Variants in MAPK10 observed in about 807,000 individuals in gnomAD.
MAPK10 encodes the protein mitogen-activated protein kinase 10, also known as JNK3 alpha protein kinase.
In MAPK10, 25 loss-of-function variants were observed where a neutral mutation model predicts 59.3. That is an observed-to-expected ratio of 0.42 (90% CI 0.31 to 0.59). The LOEUF (loss-of-function observed/expected upper bound fraction) is 0.59. MAPK10 is among the 20% of genes least tolerant of loss of function. The pLI, the probability that MAPK10 is intolerant of heterozygous loss-of-function variation, is 0.15. For missense variants in MAPK10, 351 were observed against 568.9 expected, an observed-to-expected ratio of 0.62 and a Z score of 3.90; for synonymous variants, 190 against 200.5, an observed-to-expected ratio of 0.95 and a Z score of 0.44.
chr4:86,419,988 C>T (rs1477422367), intron 1 of MAPK10, among the ~76,000 whole-genome samples: 6 of 152,276 alleles, frequency 3.9e-5, no homozygotes, highest in South Asian at 4.2e-4. Flanking sequence ...TTTGTTCAAT[C>T]GCTAAAATCC....
chr4:86,038,860 A>C (rs2040899855), intron 11 of MAPK10, among the ~76,000 whole-genome samples: 1 of 152,206 alleles, frequency 6.6e-6, no homozygotes, highest in Non-Finnish European at 1.5e-5. Flanking sequence ...AGAATTGATT[A>C]GATATAATTA....
At chr4:86,162,009 C>A (rs2069875672) in intron 3 of MAPK10, among the ~76,000 whole-genome samples, 1 of 151,896 alleles carries the variant, frequency 6.6e-6, no homozygotes, top group East Asian at 1.9e-4. Flanking sequence ...CAGGTTTACT[C>A]TAAGAGCTAC....
chr4:86,534,016 C>T (rs1758042089), intron 1 of MAPK10, among the ~76,000 whole-genome samples: 1 of 152,174 alleles, frequency 6.6e-6, no homozygotes, highest in Non-Finnish European at 1.5e-5. Flanking sequence ...CTTCTACCTC[C>T]CCAGGGATCC....
intron 1 of MAPK10, among the ~76,000 whole-genome samples, chr4:86,467,672 A>G (rs1186896953): frequency 1.3e-5 from 2 of 152,174 alleles, no homozygotes; most frequent in Admixed American, 1.3e-4. Context: ...GGCATGTGCC[A>G]CCATGCCCAG....
chr4:86,162,424 A>G (rs2070076767), intron 3 of MAPK10, among the ~76,000 whole-genome samples: 1 of 152,058 alleles, frequency 6.6e-6, no homozygotes, highest in South Asian at 2.1e-4. Context: ...AAGGATCAAT[A>G]ACAAAGGTAA....
intron 2 of MAPK10, among the ~76,000 whole-genome samples, chr4:86,285,373 T>C (rs541571507): frequency 6.6e-6 from 1 of 152,124 alleles, no homozygotes; most frequent in South Asian, 2.1e-4. Context: ...CACACCACCA[T>C]GCCCAGCTAA....
Position 86,016,558 on chromosome 4 carries a change from T to C in MAPK10, c.*670A>G, listed in dbSNP as rs1743390568. ...TCTGAGAGAGCTCACTCCCCCCATATATTCCCCCTTTACATGTTTTCTTAT... is the reference window on the plus strand; with the variant it reads ...TCTGAGAGAGCTCACTCCCCCCATACATTCCCCCTTTACATGTTTTCTTAT... On this transcript the variant is annotated 3_prime_UTR_variant, in exon 14 of 14. Coordinates refer to ENST00000641462, the MANE Select transcript of MAPK10 (RefSeq NM_138982.4). 1 of 152,778 alleles carries C rather than the reference T, an allele frequency of 6.5e-6. No homozygotes were observed. Among genetic ancestry groups the C allele is most frequent in the South Asian group, 2.1e-4 (1 of 4,830 alleles). 9.5% of individuals were successfully genotyped at this position (152,778 alleles called of 1,614,324 possible). A position where few individuals can be genotyped will look rare whatever the true frequency, so the allele number is the denominator to read the frequency against.
chr4:86,220,945 G>A (rs1270832141), intron 2 of MAPK10, among the ~76,000 whole-genome samples: 1 of 152,172 alleles, frequency 6.6e-6, no homozygotes, highest in Non-Finnish European at 1.5e-5. Flanking sequence ...ACTAATGACA[G>A]AGAATTATTA....
At chr4:86,067,698 A>T in intron 10 of MAPK10, 75 bp downstream of exon 10, 1 of 1,182,168 alleles carries the variant, frequency 8.5e-7, no homozygotes. Flanking sequence ...AGAAAGAGAT[A>T]GAGGTCTCTA....
At chr4:86,240,362 G>A (rs953089394) in intron 2 of MAPK10, among the ~76,000 whole-genome samples, 1 of 152,166 alleles carries the variant, frequency 6.6e-6, no homozygotes, top group Admixed American at 6.5e-5. Context: ...TATCTACTAG[G>A]TCCACTTGGT....
intron 9 of MAPK10, 128 bp downstream of exon 9, chr4:86,098,396 T>A: frequency 7.2e-7 from 1 of 1,395,878 alleles, no homozygotes; most frequent in South Asian, 1.5e-5. Context: ...AATTATCACT[T>A]TTTTATTACA....
At chr4:86,302,867 A>C (rs1038598385) in intron 2 of MAPK10, among the ~76,000 whole-genome samples, 1 of 152,186 alleles carries the variant, frequency 6.6e-6, no homozygotes, top group South Asian at 2.1e-4. Flanking sequence ...CCCAAGAAAA[A>C]GACTTTTACA....
At chr4:86,515,793 T>C (rs1756610615) in intron 1 of MAPK10, among the ~76,000 whole-genome samples, 1 of 152,212 alleles carries the variant, frequency 6.6e-6, no homozygotes, top group African/African-American at 2.4e-5. Flanking sequence ...GGGTTGTCTG[T>C]TTACTCTGCT....
chr4:86,261,528 C>A (rs911722998), intron 2 of MAPK10, among the ~76,000 whole-genome samples: 1 of 152,128 alleles, frequency 6.6e-6, no homozygotes, highest in African/African-American at 2.4e-5. Flanking sequence ...ATCTTTAATT[C>A]ACTTTCTAGA....
chr4:86,268,247 A>T (rs1162702393), intron 2 of MAPK10: 1 of 152,144 alleles, frequency 6.6e-6, no homozygotes, highest in Non-Finnish European at 1.5e-5. Flanking sequence ...TCCACATAGG[A>T]TTCTTCAGCA....
chr4:86,023,695 T>G (rs1439988008), intron 13 of MAPK10, among the ~76,000 whole-genome samples: 2 of 151,478 alleles, frequency 1.3e-5, no homozygotes, highest in Non-Finnish European at 3.0e-5. Context: ...TTGATGCTAT[T>G]CTAAATGGAA....
intron 1 of MAPK10, among the ~76,000 whole-genome samples, chr4:86,511,913 AG>A (rs1447080064): frequency 6.6e-6 from 1 of 151,994 alleles, no homozygotes; most frequent in Non-Finnish European, 1.5e-5. Context: ...ATGAGGAGGA[AG>A]GAAAAAGAAG....
intron 1 of MAPK10, among the ~76,000 whole-genome samples, chr4:86,419,763 T>A (rs891429470): frequency 6.6e-6 from 1 of 152,164 alleles, no homozygotes; most frequent in Non-Finnish European, 1.5e-5. Flanking sequence ...TTCTCTTATA[T>A]TCCCTCCTAG....
intron 1 of MAPK10, among the ~76,000 whole-genome samples, chr4:86,405,437 A>T (rs776545443): frequency 2.4e-4 from 37 of 152,160 alleles, no homozygotes; most frequent in Non-Finnish European, 4.6e-4. Context: ...AAAGTATTTG[A>T]CGTTAGTCCA....
Sources: allele counts gnomAD v4.1 joint callset (sites outside exome capture counted in the v4.1 genomes callset), GRCh38; gene constraint gnomAD v4.1.1; transcripts MANE v1.5; gene names NCBI Gene and HGNC (gene_info 2026-07-23, HGNC 2026-07-21).